Variants in CORO2A observed in about 807,000 individuals in gnomAD.
The protein encoded by CORO2A is coronin-2A.
In CORO2A, 47 loss-of-function variants were observed where a neutral mutation model predicts 62.4. The observed-to-expected ratio is 0.75, with a 90% CI of 0.60 to 0.96. The LOEUF (loss-of-function observed/expected upper bound fraction) is 0.96. Ranked by LOEUF, CORO2A falls within the 40% of genes least tolerant of loss-of-function variation. CORO2A has a pLI of 0.00. For missense variants in CORO2A, 610 were observed against 684.1 expected, an observed-to-expected ratio of 0.89 and a Z score of 1.21; for synonymous variants, 273 against 268.9, an observed-to-expected ratio of 1.02 and a Z score of -0.15.
chr9:98,126,669 GGAA>G lies in CORO2A; in HGVS notation c.1323_1325del (p.Ser443del), dbSNP rs1827324929. Reference sequence around the variant, plus strand: ...TTGGCATCTTCTCCTCCAACAGGGAGGAAGACCTCCAGCCATCTTCTGCAGCCA... The same window carrying G: ...TTGGCATCTTCTCCTCCAACAGGGAGGACCTCCAGCCATCTTCTGCAGCCA... On this transcript the variant is annotated inframe_deletion, in exon 11 of 12. Coordinates refer to ENST00000375077, the MANE Select transcript of CORO2A (RefSeq NM_052820.4). 5.0e-6 allele frequency: 8 copies of G among 1,614,128 alleles called. No individual in the cohort carries two copies. Among genetic ancestry groups the G allele is most frequent in the Non-Finnish European group, 6.8e-6 (8 of 1,180,058 alleles).
intron 2 of CORO2A, among the ~76,000 whole-genome samples, chr9:98,153,649 AACACACACACACACAC>A (rs55685018): frequency 1.3e-4 from 18 of 133,892 alleles, no homozygotes; most frequent in South Asian, 2.6e-4. Context: ...TCTGTTTCCA[AACACACACACACACAC>A]ACACACACAC....
At position 98,126,905 on chromosome 9, in the gene CORO2A, T is replaced by A. The variant is rs757469700; in HGVS notation, c.1172-82A>T. 7.4e-6 allele frequency: 11 copies of A among 1,480,250 alleles called. No homozygotes were observed. In the Admixed American group the frequency reaches 1.7e-4, roughly 23 times the overall value. 91.7% of individuals were successfully genotyped at this position (1,480,250 alleles called of 1,614,324 possible). On this transcript the variant is annotated intron_variant, in intron 10 of 11. Transcript: ENST00000375077. ...GGGGCACCAATGACACAGGCAGGCA[T>A]GCAGAGACACTCAGAGCCATGCAGA...
chr9:98,128,981 G>A (rs577696425), intron 8 of CORO2A, among the ~76,000 whole-genome samples: 5 of 152,200 alleles, frequency 3.3e-5, no homozygotes, highest in African/African-American at 1.2e-4. Flanking sequence ...TGCCCAGGCT[G>A]GAGTGCAGTG....
intron 2 of CORO2A, among the ~76,000 whole-genome samples, chr9:98,146,609 T>A (rs967090920): frequency 1.3e-5 from 2 of 152,222 alleles, no homozygotes; most frequent in Non-Finnish European, 1.5e-5. Context: ...CTGATACATC[T>A]CTGTGCCTGG....
Position 98,124,926 on chromosome 9 carries a change from G to A in CORO2A, c.1447-21C>T, listed in dbSNP as rs761887176. ...AGCAACTGGGGAAGAAAGATCGGAA[G>A]GCAGGATCACCATGGTGTCAGGACA... On this transcript the variant is annotated intron_variant, in intron 11 of 11. Transcript: ENST00000375077. The A allele has an allele frequency of 3.6e-5, 56 of 1,553,926 alleles. No homozygotes were observed. In the East Asian group the frequency reaches 1.2e-3, roughly 34 times the overall value.
intron 2 of CORO2A, among the ~76,000 whole-genome samples, chr9:98,150,122 AG>A (rs1325695840): frequency 2.0e-5 from 3 of 152,054 alleles, no homozygotes; most frequent in African/African-American, 4.8e-5. Context: ...TAGTAGAGAC[AG>A]GGTTTCACCA....
At chr9:98,168,822 G>A (rs143065854) in intron 1 of CORO2A, among the ~76,000 whole-genome samples, 3 of 152,346 alleles carry the variant, frequency 2.0e-5, no homozygotes, top group African/African-American at 4.8e-5. Context: ...CAAGTGGCTC[G>A]TGAGAGTTCC....
intron 1 of CORO2A, among the ~76,000 whole-genome samples, chr9:98,186,139 A>C (rs1564221795): frequency 2.0e-5 from 3 of 152,190 alleles, no homozygotes; most frequent in Non-Finnish European, 4.4e-5. Context: ...ACCCTGCACA[A>C]ATGCTCAGCT....
At position 98,187,282 on chromosome 9, in the gene CORO2A, C is replaced by CA. The variant is rs60290184; in HGVS notation, c.-1+5276dup. Among the ~76,000 whole-genome samples, 389 of 66,468 alleles carry CA rather than the reference C, an allele frequency of 5.9e-3. 10 individuals carry two copies. Among genetic ancestry groups the CA allele is most frequent in the East Asian group, 0.02 (29 of 1,468 alleles). 43.6% of individuals were successfully genotyped at this position (66,468 alleles called of 152,430 possible). A position where few individuals can be genotyped will look rare whatever the true frequency, so the allele number is the denominator to read the frequency against. ...TGGGCGACAGAGCAAGACTCCATCTCAAAAAAAAAAAAAAAAAAAAAAAAA... is the reference window on the plus strand; with the variant it reads ...TGGGCGACAGAGCAAGACTCCATCTCAAAAAAAAAAAAAAAAAAAAAAAAAA... On this transcript the variant is annotated intron_variant, in intron 1 of 11. Transcript: ENST00000375077.
chr9:98,153,649 A>AACACACACACACACAC (rs55685018), intron 2 of CORO2A, among the ~76,000 whole-genome samples: 2 of 133,892 alleles, frequency 1.5e-5, no homozygotes, highest in Non-Finnish European at 3.2e-5. Context: ...TCTGTTTCCA[A>AACACACACACACACAC]ACACACACAC....
chr9:98,182,094 T>C (rs544011419), intron 1 of CORO2A, among the ~76,000 whole-genome samples: 1 of 152,270 alleles, frequency 6.6e-6, no homozygotes, highest in Admixed American at 6.5e-5. Flanking sequence ...TCCTCCAGAT[T>C]CTGTGGGACT....
chr9:98,145,869 C>G (rs1312490241), intron 2 of CORO2A, among the ~76,000 whole-genome samples: 1 of 152,162 alleles, frequency 6.6e-6, no homozygotes, highest in Non-Finnish European at 1.5e-5. Context: ...TGTGCCACCA[C>G]GCCCAGCTGA....
At chr9:98,155,842 T>C (rs901902539) in intron 2 of CORO2A, among the ~76,000 whole-genome samples, 1 of 152,174 alleles carries the variant, frequency 6.6e-6, no homozygotes, top group African/African-American at 2.4e-5. Context: ...TGATATTGTT[T>C]TTCTCATTCC....
intron 1 of CORO2A, among the ~76,000 whole-genome samples, chr9:98,190,727 A>C (rs1434076757): frequency 3.3e-5 from 5 of 152,206 alleles, no homozygotes; most frequent in African/African-American, 1.2e-4. Flanking sequence ...CAGGCCAAAA[A>C]GGCTTGAATT....
intron 2 of CORO2A, among the ~76,000 whole-genome samples, chr9:98,148,189 G>GT (rs1827670118): frequency 1.3e-5 from 2 of 151,806 alleles, no homozygotes; most frequent in South Asian, 4.1e-4. Context: ...GAGGTCAGGA[G>GT]TTTGAGACCA....
intron 2 of CORO2A, among the ~76,000 whole-genome samples, chr9:98,144,508 G>T (rs1827616240): frequency 6.6e-6 from 1 of 152,210 alleles, no homozygotes; most frequent in African/African-American, 2.4e-5. Context: ...CAGACTGCAT[G>T]CAGGTGATGG....
rs546773072 is a variant in CORO2A at position 98,122,106 on chromosome 9, G to C, written c.*2668C>G. 2.6e-5 allele frequency: 4 copies of C among 152,310 alleles called. No individual in the cohort carries two copies. In the South Asian group the frequency reaches 6.2e-4, roughly 24 times the overall value. The allele number at this position is 152,310 out of a possible 1,614,324, so 9.4% of individuals were successfully genotyped here. A position where few individuals can be genotyped will look rare whatever the true frequency, so the allele number is the denominator to read the frequency against. ...TGCGGTTCCCAGAGATGTTGAGGGA[G>C]GGCTTGGGGCAACACTTCTGGACTT... On this transcript the variant is annotated 3_prime_UTR_variant, in exon 12 of 12. Transcript: ENST00000375077.
intron 2 of CORO2A, among the ~76,000 whole-genome samples, chr9:98,142,394 G>C (rs953076067): frequency 4.1e-4 from 63 of 152,382 alleles, no homozygotes; most frequent in African/African-American, 1.4e-3. Context: ...GGGAGCACCA[G>C]TGAGTGCTCT....
intron 1 of CORO2A, among the ~76,000 whole-genome samples, chr9:98,188,572 C>T (rs1588018515): frequency 6.6e-6 from 1 of 152,244 alleles, no homozygotes; most frequent in African/African-American, 2.4e-5. Context: ...CGAGTCCAGC[C>T]TGGCCAACAT....
Sources: allele counts gnomAD v4.1 joint callset (sites outside exome capture counted in the v4.1 genomes callset), GRCh38; gene constraint gnomAD v4.1.1; transcripts MANE v1.5; gene names NCBI Gene and HGNC (gene_info 2026-07-23, HGNC 2026-07-21).